CREBBP: variants seen among roughly 807,000 people sequenced by gnomAD.
The protein encoded by CREBBP is CREB-binding protein.
A neutral mutation model predicts 265.0 loss-of-function variants in CREBBP; 19 were observed. The observed-to-expected ratio is 0.07, with a 90% CI of 0.05 to 0.11. CREBBP has a LOEUF of 0.11. Ranked by LOEUF, CREBBP falls within the 10% of genes least tolerant of loss-of-function variation. The probability of loss-of-function intolerance (pLI) is 1.00; values close to 1 mark genes in which losing one functional copy is unlikely to be tolerated. For missense variants in CREBBP, 2,525 were observed against 3,219.0 expected, an observed-to-expected ratio of 0.78 and a Z score of 5.22; for synonymous variants, 1,457 against 1,223.7, an observed-to-expected ratio of 1.19 and a Z score of -3.98.
At position 3,793,574 on chromosome 16, in the gene CREBBP, C is replaced by T. The variant is rs2053548063; in HGVS notation, c.1028G>A (p.Gly343Asp). ...GIVPTQAIAT[G>D]PTADPEKRKL... ...GCGTTTTTCAGGATCTGCAGTGGGGCCTGTTGCAATTGCTTGTGTGGGTAC... is the reference window on the plus strand; with the variant it reads ...GCGTTTTTCAGGATCTGCAGTGGGGTCTGTTGCAATTGCTTGTGTGGGTAC... The change falls in exon 4 of 31, where the codon GGC becomes GAC. Residue 343 changes from glycine (G) to aspartate (D), a missense_variant. By Grantham distance (94) the Gly-to-Asp change is moderately conservative. Coordinates refer to ENST00000262367, the MANE Select transcript of CREBBP (RefSeq NM_004380.3). 1 of 1,613,886 alleles carries T rather than the reference C, an allele frequency of 6.2e-7. No homozygotes were observed. The highest frequency in any genetic ancestry group is 1.1e-5 in the South Asian group (1 of 91,066).
intron 2 of CREBBP, among the ~76,000 whole-genome samples, chr16:3,820,826 TAC>T (rs145214579): frequency 2.0e-5 from 3 of 152,022 alleles, no homozygotes; most frequent in South Asian, 2.1e-4. Context: ...AGCCACTGTG[TAC>T]ACACACACAC....
At chr16:3,859,998 C>A (rs999049246) in intron 1 of CREBBP, among the ~76,000 whole-genome samples, 2 of 152,130 alleles carry the variant, frequency 1.3e-5, no homozygotes, top group Admixed American at 6.5e-5. Flanking sequence ...GGTAAAACAA[C>A]TTGGGGCTTG....
intron 21 of CREBBP, among the ~76,000 whole-genome samples, chr16:3,748,510 A>G (rs2052399934): frequency 2.6e-5 from 4 of 152,180 alleles, no homozygotes; most frequent in Admixed American, 2.6e-4. Flanking sequence ...TAACCTGCCA[A>G]AAGTCAAGCT....
rs990512518 is a variant in CREBBP, at chr16:3,727,817, G to C, written c.7230C>G (p.Pro2410=). The C allele has an allele frequency of 6.2e-7, 1 of 1,614,044 alleles. No individual in the cohort carries two copies. Among genetic ancestry groups the C allele is most frequent in the Non-Finnish European group, 8.5e-7 (1 of 1,180,050 alleles). ...LGNPEQSAML[P]QLNTPSRSAL... ...CACTCCTGCTGGGGGTGTTCAGCTG[G>C]GGGAGCATTGCACTCTGTTCGGGGT... is the stretch of plus-strand genomic sequence containing the variant. The change falls in exon 31 of 31, where the codon CCC becomes CCG. Residue 2410 remains proline (P), a synonymous_variant. Transcript: ENST00000262367.
intron 5 of CREBBP, among the ~76,000 whole-genome samples, chr16:3,788,285 G>A (rs1171807655): frequency 6.6e-6 from 1 of 152,194 alleles, no homozygotes; most frequent in African/African-American, 2.4e-5. Flanking sequence ...AGATTTTAAT[G>A]TGCACACTAA....
chr16:3,839,604 C>T (rs1012120113), intron 2 of CREBBP, among the ~76,000 whole-genome samples: 40 of 151,172 alleles, frequency 2.6e-4, no homozygotes, highest in African/African-American at 8.5e-4. Flanking sequence ...ATTGCTGGAA[C>T]CCAAGAGGCA....
At chr16:3,869,946 C>A (rs576098875) in intron 1 of CREBBP, among the ~76,000 whole-genome samples, 48 of 152,324 alleles carry the variant, frequency 3.2e-4, no homozygotes, top group Admixed American at 2.7e-3. Flanking sequence ...CAACTACGGG[C>A]AGGTGTGCTC....
chr16:3,879,805 C>T (rs745904841), intron 1 of CREBBP, 27 bp downstream of exon 1: 17 of 1,560,134 alleles, frequency 1.1e-5, no homozygotes, highest in Admixed American at 1.9e-5. Context: ...CGCCCCGGGC[C>T]CCCGCCGCCC....
intron 20 of CREBBP, among the ~76,000 whole-genome samples, chr16:3,751,485 G>T (rs995962895): frequency 2.0e-5 from 3 of 152,052 alleles, no homozygotes; most frequent in Non-Finnish European, 1.5e-5. Context: ...CCAGCTACTT[G>T]AGAGGCTGAG....
chr16:3,824,153 A>C (rs1054998220), intron 2 of CREBBP, among the ~76,000 whole-genome samples: 47 of 152,356 alleles, frequency 3.1e-4, no homozygotes, highest in African/African-American at 9.6e-4. Context: ...ATCGACTGCT[A>C]AATGGAGTTT....
chr16:3,743,100 G>C (rs979127838), intron 23 of CREBBP: 1 of 152,188 alleles, frequency 6.6e-6, no homozygotes, highest in Non-Finnish European at 1.5e-5. Flanking sequence ...TCAAATGGAG[G>C]CAACTGTGCC....
intron 1 of CREBBP, among the ~76,000 whole-genome samples, chr16:3,875,619 T>A (rs1443287129): frequency 6.6e-6 from 1 of 152,244 alleles, no homozygotes; most frequent in African/African-American, 2.4e-5. Context: ...CTCACTAAGC[T>A]TGGCAGGTTC....
intron 2 of CREBBP, among the ~76,000 whole-genome samples, chr16:3,833,048 C>A (rs763041284): frequency 1.3e-5 from 2 of 152,166 alleles, no homozygotes; most frequent in Non-Finnish European, 2.9e-5. Flanking sequence ...TTATACTTAA[C>A]GAAAGGCTGA....
intron 2 of CREBBP, chr16:3,813,182 T>C (rs369921611): frequency 3.1e-5 from 7 of 228,982 alleles, no homozygotes; most frequent in East Asian, 1.2e-4. Flanking sequence ...GCTCTGTGCA[T>C]TTCATACGCA....
chr16:3,859,563 C>G (rs774811634), intron 1 of CREBBP, among the ~76,000 whole-genome samples: 1 of 152,228 alleles, frequency 6.6e-6, no homozygotes, highest in Non-Finnish European at 1.5e-5. Flanking sequence ...CGGACAGGAG[C>G]TGGTCACCAG....
At chr16:3,746,345 T>C (rs1161501340) in intron 21 of CREBBP, among the ~76,000 whole-genome samples, 1 of 150,484 alleles carries the variant, frequency 6.6e-6, no homozygotes, top group African/African-American at 2.5e-5. Context: ...CACACACAGA[T>C]CTGTGAAAAA....
rs527246040 is a variant in CREBBP at position 3,762,220 on chromosome 16, C to A, written c.3251-3248G>T. On this transcript the variant is annotated intron_variant, in intron 16 of 30. Coordinates refer to ENST00000262367, the MANE Select transcript of CREBBP (RefSeq NM_004380.3). The stretch of plus-strand genomic sequence containing the variant: ...CAGCGTGGATCACTGGGCCTCTGCA[C>A]GGAGAAGGCCTGCAGACCCTGTCAC... 1.6e-3 allele frequency among the ~76,000 whole-genome samples: 243 copies of A among 152,256 alleles called. 1 individual carries two copies. The highest frequency in any genetic ancestry group is 2.6e-3 in the Non-Finnish European group (177 of 68,024).
At chr16:3,814,565 T>A (rs562033947) in intron 2 of CREBBP, among the ~76,000 whole-genome samples, 1 of 152,208 alleles carries the variant, frequency 6.6e-6, no homozygotes, top group African/African-American at 2.4e-5. Flanking sequence ...CCATAACTGG[T>A]CAATTTCAAA....
At chr16:3,793,107 A>G (rs1359557020) in intron 4 of CREBBP, among the ~76,000 whole-genome samples, 1 of 152,264 alleles carries the variant, frequency 6.6e-6, no homozygotes, top group East Asian at 1.9e-4. Flanking sequence ...CTTCCGTGAC[A>G]GAGGAAGGAG....
Sources: gnomAD v4.1 joint callset for allele counts (sites outside exome capture counted in the v4.1 genomes callset) on GRCh38, gnomAD v4.1.1 for gene constraint, MANE v1.5 for transcripts, NCBI Gene and HGNC (gene_info 2026-07-23, HGNC 2026-07-21) for gene names.